The following HERPUD2 variants were observed in gnomAD, a reference collection of about 807,000 sequenced individuals.
The protein encoded by HERPUD2 is HERPUD family member 2, also known as homocysteine-responsive endoplasmic reticulum-resident ubiquitin-like domain member 2 protein.
In HERPUD2, 13 loss-of-function variants were observed where a neutral mutation model predicts 49.9. The ratio of observed to expected loss-of-function variants is 0.26; its 90% CI spans 0.17 to 0.41. The LOEUF is 0.41. Ranked by LOEUF, HERPUD2 falls within the 10% of genes least tolerant of loss-of-function variation. HERPUD2 has a pLI of 1.00. For missense variants in HERPUD2, 449 were observed against 492.2 expected (o/e 0.91, Z 0.83); for synonymous variants, 172 against 171.4 (o/e 1.00, Z -0.03).
At chr7:35,665,303 G>A (rs750632350) in intron 5 of HERPUD2, among the ~76,000 whole-genome samples, 1 of 152,182 alleles carries the variant, frequency 6.6e-6, no homozygotes, top group Non-Finnish European at 1.5e-5. Flanking sequence ...TTATGTACTC[G>A]AGCCTCGGCA....
intron 5 of HERPUD2, among the ~76,000 whole-genome samples, chr7:35,646,780 A>G (rs1352224016): frequency 6.6e-6 from 1 of 152,196 alleles, no homozygotes; most frequent in African/African-American, 2.4e-5. Flanking sequence ...CTCTGCCCCT[A>G]GGAAATTCAC....
At chr7:35,687,728 T>C (rs1786095497) in intron 2 of HERPUD2, among the ~76,000 whole-genome samples, 1 of 152,260 alleles carries the variant, frequency 6.6e-6, no homozygotes, top group Admixed American at 6.5e-5. Flanking sequence ...GACCCTTTAA[T>C]GTTTAACCAA....
chr7:35,634,532 T>C, intron 7 of HERPUD2, 103 bp from the exon 8 acceptor site: 1 of 670,488 alleles, frequency 1.5e-6, no homozygotes, highest in Admixed American at 2.9e-5. Flanking sequence ...TGATTAAAAC[T>C]ATAATAAATA....
intron 5 of HERPUD2, among the ~76,000 whole-genome samples, chr7:35,652,364 C>CG (rs1232446027): frequency 3.3e-5 from 5 of 152,150 alleles, no homozygotes; most frequent in Non-Finnish European, 5.9e-5. Flanking sequence ...TCTGACACCT[C>CG]GCCCAACAAT....
At chr7:35,652,647 G>T (rs1412792674) in intron 5 of HERPUD2, among the ~76,000 whole-genome samples, 2 of 150,834 alleles carry the variant, frequency 1.3e-5, no homozygotes, top group Non-Finnish European at 3.0e-5. Flanking sequence ...AGGAAGAAAA[G>T]GAAGGAGAGG....
At chr7:35,636,369 C>A (rs1396938938) in intron 6 of HERPUD2, among the ~76,000 whole-genome samples, 1 of 152,138 alleles carries the variant, frequency 6.6e-6, no homozygotes, top group African/African-American at 2.4e-5. Context: ...ATACCTTGTA[C>A]CTGTATAGGG....
chr7:35,674,815 G>A (rs1226531557), intron 2 of HERPUD2, among the ~76,000 whole-genome samples: 3 of 152,028 alleles, frequency 2.0e-5, no homozygotes, highest in Admixed American at 6.6e-5. Flanking sequence ...AGAATGAGTC[G>A]AAGTTCCTCA....
At chr7:35,655,211 T>C (rs1241537372) in intron 5 of HERPUD2, among the ~76,000 whole-genome samples, 1 of 152,032 alleles carries the variant, frequency 6.6e-6, no homozygotes, top group Non-Finnish European at 1.5e-5. Context: ...TCCAAAACAT[T>C]GAAGAGGAGG....
chr7:35,638,440 G>A lies in HERPUD2; in HGVS notation c.527C>T (p.Ala176Val). ...NVDNQFPGQAAPPGFPVYPAF... is the reference protein window; with the variant it reads ...NVDNQFPGQAVPPGFPVYPAF... The stretch of plus-strand genomic sequence containing the variant: ...GGGATACACTGGGAATCCAGGTGGA[G>A]CAGCTTGCCCAGGAAATTGGTTGTC... Residue 176 changes from alanine to valine, a missense_variant, in exon 6 of 9, where the codon GCT (alanine) becomes GTT (valine). Transcript: ENST00000311350. 1 of 1,613,720 alleles carries A rather than the reference G, an allele frequency of 6.2e-7. No individual in the cohort carries two copies. The highest frequency in any genetic ancestry group is 8.5e-7 in the Non-Finnish European group (1 of 1,179,686).
intron 5 of HERPUD2, among the ~76,000 whole-genome samples, chr7:35,646,801 C>G (rs1334438012): frequency 6.6e-6 from 1 of 151,940 alleles, no homozygotes; most frequent in African/African-American, 2.4e-5. Context: ...AATGAGGAAA[C>G]AGCTGAAATA....
chr7:35,694,636 A>T lies in HERPUD2; in HGVS notation c.-297-9T>A. The T allele has an allele frequency of 8.5e-6, 3 of 351,318 alleles. No homozygotes were observed. Among genetic ancestry groups the T allele is most frequent in the Non-Finnish European group, 5.5e-6 (1 of 182,678 alleles). The allele number at this position is 351,318 out of a possible 1,614,324, so 21.8% of individuals were successfully genotyped here. ...CGTGAGGAGAAAGGAAGCTATACGA[A>T]GGAAGGGTGGGAGGGATGAGGGCAC... On this transcript the variant is annotated splice_polypyrimidine_tract_variant and intron_variant, in intron 1 of 8. Transcript: ENST00000311350.
intron 5 of HERPUD2, among the ~76,000 whole-genome samples, chr7:35,661,972 TC>T (rs879283836): frequency 3.3e-5 from 5 of 152,226 alleles, no homozygotes; most frequent in Non-Finnish European, 5.9e-5. Flanking sequence ...AGGGAATGCT[TC>T]CAGTTTTTGC....
intron 2 of HERPUD2, among the ~76,000 whole-genome samples, chr7:35,691,984 C>T (rs1786200496): frequency 6.6e-6 from 1 of 152,124 alleles, no homozygotes; most frequent in African/African-American, 2.4e-5. Flanking sequence ...AGAGCTCCAC[C>T]CACTCAACCT....
chr7:35,646,132 T>G (rs1785051226), intron 5 of HERPUD2, among the ~76,000 whole-genome samples: 1 of 152,152 alleles, frequency 6.6e-6, no homozygotes, highest in Admixed American at 6.5e-5. Flanking sequence ...ATATTGAAAA[T>G]AAAATACTGA....
chr7:35,678,716 A>G lies in HERPUD2; in HGVS notation c.148-5438T>C, dbSNP rs1184190839. Among the ~76,000 whole-genome samples, 3 of 152,130 alleles carry G rather than the reference A, an allele frequency of 2.0e-5. No homozygotes were observed. The East Asian group carries it at 5.8e-4, about 29-fold the overall frequency. The stretch of plus-strand genomic sequence containing the variant: ...TTAGTCAAAGAAGTCCATATCCAAA[A>G]CATAAGTTATCTAACTTATGTTTTT... On this transcript the variant is annotated intron_variant, in intron 2 of 8. Coordinates refer to ENST00000311350, the MANE Select transcript of HERPUD2 (RefSeq NM_022373.5).
At chr7:35,668,484 C>T (rs1267749435) in intron 4 of HERPUD2, 1 of 153,544 alleles carries the variant, frequency 6.5e-6, no homozygotes, top group Non-Finnish European at 1.5e-5. Flanking sequence ...CTTTAAAAAG[C>T]TAGGTACAGT....
chr7:35,667,639 T>C (rs1785565455), intron 4 of HERPUD2, 51 bp from the exon 5 acceptor site: 5 of 1,418,206 alleles, frequency 3.5e-6, no homozygotes, highest in Non-Finnish European at 4.9e-6. Context: ...TTTACAATCA[T>C]AAAATTACAG....
At chr7:35,641,443 T>C (rs1227558121) in intron 5 of HERPUD2, among the ~76,000 whole-genome samples, 1 of 152,188 alleles carries the variant, frequency 6.6e-6, no homozygotes, top group African/African-American at 2.4e-5. Context: ...AAACTACCAA[T>C]GACATTTTTC....
In HERPUD2 at chr7:35,635,430, A is replaced by G; in HGVS notation, c.646T>C (p.Ser216Pro). Residue 216 changes from serine to proline, a missense_variant, in exon 7 of 9, where the codon TCA (serine) becomes CCA (proline). Transcript: ENST00000311350. ...YQAAVSAQAT[S>P]NVNPTQPTTS... ...GTAGGCTGGGTTGGGTTGACATTTG[A>G]TGTGGCCTGAGCTGAAACTGCAGCT... 1 of 1,613,988 alleles carries G rather than the reference A, an allele frequency of 6.2e-7. No homozygotes were observed. Among genetic ancestry groups the G allele is most frequent in the South Asian group, 1.1e-5 (1 of 91,078 alleles).
Sources: gnomAD v4.1 joint callset for allele counts (sites outside exome capture counted in the v4.1 genomes callset) on GRCh38, gnomAD v4.1.1 for gene constraint, MANE v1.5 for transcripts, NCBI Gene and HGNC (gene_info 2026-07-23, HGNC 2026-07-21) for gene names.